The following ATP6V1H variants were observed in gnomAD, a reference collection of about 807,000 sequenced individuals.
The protein encoded by ATP6V1H is ATPase H+ transporting V1 subunit H, also known as V-type proton ATPase subunit H.
ATP6V1H carries 39 observed loss-of-function variants against 71.7 expected under a neutral mutation model. The observed-to-expected ratio is 0.54, with a 90% CI of 0.42 to 0.71. ATP6V1H has a LOEUF of 0.71. ATP6V1H is among the 30% of genes least tolerant of loss of function. The probability of loss-of-function intolerance (pLI) is 0.00; values close to 1 mark genes in which losing one functional copy is unlikely to be tolerated. For missense variants in ATP6V1H, 509 were observed against 594.9 expected (o/e 0.86, Z 1.50); for synonymous variants, 192 against 199.3 (o/e 0.96, Z 0.31).
Position 53,762,053 on chromosome 8 carries a change from A to G in ATP6V1H, c.1176-5397T>C, listed in dbSNP as rs150554335. The stretch of plus-strand genomic sequence containing the variant: ...TACCAGACTCAAACTTTGCTGCCTC[A>G]TATGACAACCATTAGCCACATGTGG... On this transcript the variant is annotated intron_variant, in intron 11 of 13. Transcript: ENST00000359530. Among the ~76,000 whole-genome samples, 329 of 152,352 alleles carry G rather than the reference A, an allele frequency of 2.2e-3. 1 individual carries two copies. The highest frequency in any genetic ancestry group is 6.3e-3 in the African/African-American group (262 of 41,578).
intron 13 of ATP6V1H, among the ~76,000 whole-genome samples, chr8:53,734,349 T>G (rs1052396250): frequency 2.0e-5 from 3 of 152,134 alleles, no homozygotes; most frequent in Non-Finnish European, 2.9e-5. Context: ...TGTATGTGGA[T>G]GGGAGCAGCT....
rs1051893162 is a variant in ATP6V1H at position 53,715,608 on chromosome 8, T to C, written c.*356A>G. 2 of 198,934 alleles carry C rather than the reference T, an allele frequency of 1.0e-5. No homozygotes were observed. The highest frequency in any genetic ancestry group is 2.0e-5 in the Non-Finnish European group (2 of 99,254). 12.3% of individuals were successfully genotyped at this position (198,934 alleles called of 1,614,324 possible). A position where few individuals can be genotyped will look rare whatever the true frequency, so the allele number is the denominator to read the frequency against. ...ACTACTTTGCAACAATTCTCCCAAT[T>C]TGGTTTGAAAAGAGACAACAGTTGA... On this transcript the variant is annotated 3_prime_UTR_variant, in exon 14 of 14. Coordinates refer to ENST00000359530, the MANE Select transcript of ATP6V1H (RefSeq NM_015941.4).
intron 13 of ATP6V1H, among the ~76,000 whole-genome samples, chr8:53,729,038 T>C (rs1806920239): frequency 6.6e-6 from 1 of 152,206 alleles, no homozygotes; most frequent in Non-Finnish European, 1.5e-5. Context: ...ATTAGTCTTG[T>C]TGTTCCAGTT....
chr8:53,813,058 C>T (rs927766018), intron 6 of ATP6V1H, among the ~76,000 whole-genome samples: 11 of 152,112 alleles, frequency 7.2e-5, no homozygotes, highest in Admixed American at 6.6e-4. Flanking sequence ...GAAGTGTATC[C>T]TATTTAACTA....
intron 7 of ATP6V1H, among the ~76,000 whole-genome samples, chr8:53,802,901 T>C (rs16919571): frequency 0.16 from 24,035 of 152,130 alleles, 3,018 homozygotes; most frequent in East Asian, 0.37. Context: ...CCCTTAGAAA[T>C]TGTGCTTAAA....
At chr8:53,805,884 A>C (rs1810060658) in intron 7 of ATP6V1H, among the ~76,000 whole-genome samples, 1 of 152,226 alleles carries the variant, frequency 6.6e-6, no homozygotes, top group Non-Finnish European at 1.5e-5. Flanking sequence ...CAGACACATA[A>C]GAATTTATAC....
chr8:53,820,296 AAAGAAG>A (rs765848283), intron 4 of ATP6V1H, among the ~76,000 whole-genome samples: 6 of 151,894 alleles, frequency 4.0e-5, no homozygotes, highest in Non-Finnish European at 7.4e-5. Flanking sequence ...GTTTAAAAAA[AAAGAAG>A]AAGAAGAAGA....
chr8:53,734,486 C>A (rs990758314), intron 13 of ATP6V1H, among the ~76,000 whole-genome samples: 5 of 152,168 alleles, frequency 3.3e-5, no homozygotes, highest in Non-Finnish European at 7.3e-5. Context: ...TTAATTCAGG[C>A]TTTAGAACTA....
Position 53,797,243 on chromosome 8 carries a change from G to A in ATP6V1H, c.678-1404C>T, listed in dbSNP as rs73680308. 5.1e-3 allele frequency among the ~76,000 whole-genome samples: 784 copies of A among 152,326 alleles called. 5 individuals carry two copies. The highest frequency in any genetic ancestry group is 0.018 in the African/African-American group (743 of 41,578). On this transcript the variant is annotated intron_variant, in intron 8 of 13. Transcript: ENST00000359530. Reference sequence around the variant, plus strand: ...TAGGCTATGCCAAGAACAGGAGCTAGAGGCTGACTTCAAGGAAGGAAGAAC... The same window carrying A: ...TAGGCTATGCCAAGAACAGGAGCTAAAGGCTGACTTCAAGGAAGGAAGAAC...
chr8:53,784,061 C>T (rs1214800697), intron 9 of ATP6V1H, among the ~76,000 whole-genome samples: 1 of 143,466 alleles, frequency 7.0e-6, no homozygotes, highest in Non-Finnish European at 1.5e-5. Flanking sequence ...ATTAGGTCCA[C>T]TTGGTGCAGA....
chr8:53,829,386 C>T (rs1810922941), intron 4 of ATP6V1H, 58 bp downstream of exon 4: 2 of 1,056,012 alleles, frequency 1.9e-6, no homozygotes, highest in Non-Finnish European at 1.5e-6. Flanking sequence ...AATGCTGCTA[C>T]TGTGAGGTAT....
intron 4 of ATP6V1H, among the ~76,000 whole-genome samples, chr8:53,820,891 G>C (rs1810629528): frequency 6.6e-6 from 1 of 151,532 alleles, no homozygotes; most frequent in Non-Finnish European, 1.5e-5. Flanking sequence ...TGAGGCAGGA[G>C]GATTGCTTGA....
intron 13 of ATP6V1H, among the ~76,000 whole-genome samples, chr8:53,721,718 A>C (rs1295313094): frequency 2.0e-5 from 3 of 152,218 alleles, no homozygotes; most frequent in Non-Finnish European, 4.4e-5. Flanking sequence ...ACATTATTCT[A>C]CCTCTCACTG....
chr8:53,764,914 C>T (rs1367042193), intron 11 of ATP6V1H, among the ~76,000 whole-genome samples: 3 of 152,060 alleles, frequency 2.0e-5, no homozygotes, highest in Non-Finnish European at 4.4e-5. Context: ...ACCTGTGCAA[C>T]AGAGTGACAT....
At chr8:53,811,098 T>G in intron 7 of ATP6V1H, 66 bp downstream of exon 7, 1 of 1,430,106 alleles carries the variant, frequency 7.0e-7, no homozygotes, top group African/African-American at 1.4e-5. Flanking sequence ...CTTCAAAATT[T>G]TAAGTGTATA....
chr8:53,749,274 T>C (rs1807710135), intron 12 of ATP6V1H, among the ~76,000 whole-genome samples: 1 of 152,272 alleles, frequency 6.6e-6, no homozygotes, highest in South Asian at 2.1e-4. Flanking sequence ...TCAGTGAATA[T>C]GTTTAGTTAC....
At chr8:53,738,675 T>G (rs548978569) in intron 13 of ATP6V1H, among the ~76,000 whole-genome samples, 4 of 152,252 alleles carry the variant, frequency 2.6e-5, no homozygotes, top group African/African-American at 4.8e-5. Flanking sequence ...GGGTTTTCTT[T>G]ACTGTCAAAA....
At chr8:53,755,154 T>C (rs932704939) in intron 12 of ATP6V1H, among the ~76,000 whole-genome samples, 2 of 152,186 alleles carry the variant, frequency 1.3e-5, no homozygotes, top group Non-Finnish European at 2.9e-5. Context: ...TCTGTTTTCC[T>C]TTGAGGAAAG....
At chr8:53,817,823 G>T (rs576542390) in intron 4 of ATP6V1H, among the ~76,000 whole-genome samples, 1 of 152,030 alleles carries the variant, frequency 6.6e-6, no homozygotes, top group African/African-American at 2.4e-5. Context: ...CAATGTAACA[G>T]GTCTACACCC....
Sources: allele counts gnomAD v4.1 joint callset (sites outside exome capture counted in the v4.1 genomes callset), GRCh38; gene constraint gnomAD v4.1.1; transcripts MANE v1.5; gene names NCBI Gene and HGNC (gene_info 2026-07-23, HGNC 2026-07-21).